Variants in SLC14A2 observed in about 807,000 individuals in gnomAD.
The protein encoded by SLC14A2 is solute carrier family 14 member 2.
SLC14A2 carries 91 observed loss-of-function variants against 104.6 expected under a neutral mutation model. The observed-to-expected ratio is 0.87, with a 90% confidence interval of 0.73 to 1.04. The LOEUF is 1.04. Ranked by LOEUF, SLC14A2 falls within the 50% of genes least tolerant of loss-of-function variation. The pLI is 0.00. For missense variants in SLC14A2, 1,189 were observed against 1,156.0 expected, an observed-to-expected ratio of 1.03 and a Z score of -0.41; for synonymous variants, 476 against 466.4, an observed-to-expected ratio of 1.02 and a Z score of -0.27.
chr18:45,626,806 A>AC, intron 3 of SLC14A2, 152 bp from the exon 4 acceptor site: 1 of 374,230 alleles, frequency 2.7e-6, no homozygotes, highest in South Asian at 2.6e-5. Flanking sequence ...CCTCCCCTCT[A>AC]CCCCCACCCC....
chr18:45,524,540 C>G (rs546553643), intron 2 of SLC14A2, among the ~76,000 whole-genome samples: 2 of 152,194 alleles, frequency 1.3e-5, no homozygotes, highest in Non-Finnish European at 2.9e-5. Context: ...GCCTGATCAC[C>G]TATGGTAGGC....
At chr18:45,642,208 C>G (rs1371033445) in intron 8 of SLC14A2, among the ~76,000 whole-genome samples, 1 of 152,218 alleles carries the variant, frequency 6.6e-6, no homozygotes, top group South Asian at 2.1e-4. Flanking sequence ...GCGTCTGGAA[C>G]AGCTTCTCTT....
At chr18:45,654,400 G>A (rs137867979) in intron 10 of SLC14A2, among the ~76,000 whole-genome samples, 57 of 152,204 alleles carry the variant, frequency 3.7e-4, no homozygotes, top group Non-Finnish European at 7.1e-4. Flanking sequence ...TTCTAGTCCC[G>A]ATGATCTAGA....
At chr18:45,658,774 T>C (rs1387167398) in intron 10 of SLC14A2, among the ~76,000 whole-genome samples, 2 of 152,206 alleles carry the variant, frequency 1.3e-5, no homozygotes, top group Non-Finnish European at 2.9e-5. Flanking sequence ...CAGTGGGCAC[T>C]TCTATGAAAT....
At chr18:45,328,991 G>A (rs932670131) in intron 1 of SLC14A2, among the ~76,000 whole-genome samples, 18 of 152,072 alleles carry the variant, frequency 1.2e-4, no homozygotes, top group South Asian at 2.1e-4. Context: ...TTCCAAAGCC[G>A]ACCAGCAGAA....
chr18:45,380,075 A>T (rs2085817806), intron 1 of SLC14A2, among the ~76,000 whole-genome samples: 1 of 152,190 alleles, frequency 6.6e-6, no homozygotes, highest in African/African-American at 2.4e-5. Flanking sequence ...CATTCTTCTT[A>T]TACCCTAGTA....
rs1291972172 is a variant in SLC14A2 at position 45,683,683 on chromosome 18, T to C, written c.*1164T>C. The C allele has an allele frequency of 1.3e-5, 2 of 152,208 alleles. No individual in the cohort carries two copies. The highest frequency in any genetic ancestry group is 2.9e-5 in the Non-Finnish European group (2 of 68,034). The allele number at this position is 152,208 out of a possible 1,614,324, so 9.4% of individuals were successfully genotyped here. On this transcript the variant is annotated 3_prime_UTR_variant, in exon 20 of 20. Coordinates refer to ENST00000255226, the MANE Select transcript of SLC14A2 (RefSeq NM_007163.4). Reference sequence around the variant, plus strand: ...CATACTGTCATTAAACTGTTTAAGTTTGCAAGTCGGCATCAGGGTTTTCTT... The same window carrying C: ...CATACTGTCATTAAACTGTTTAAGTCTGCAAGTCGGCATCAGGGTTTTCTT...
chr18:45,557,383 A>AGCCAGGCT (rs1336081393), intron 2 of SLC14A2, among the ~76,000 whole-genome samples: 2 of 152,232 alleles, frequency 1.3e-5, no homozygotes, highest in East Asian at 3.9e-4. Flanking sequence ...AACATGCTCA[A>AGCCAGGCT]GCCAGGCTGC....
At chr18:45,346,090 T>G (rs1349127674) in intron 1 of SLC14A2, among the ~76,000 whole-genome samples, 1 of 152,212 alleles carries the variant, frequency 6.6e-6, no homozygotes, top group African/African-American at 2.4e-5. Flanking sequence ...CGCACATGTT[T>G]TCATGATCTG....
intron 1 of SLC14A2, among the ~76,000 whole-genome samples, chr18:45,295,288 T>C (rs1046961620): frequency 2.0e-5 from 3 of 150,474 alleles, no homozygotes; most frequent in Non-Finnish European, 2.9e-5. Flanking sequence ...GTAATTAATA[T>C]ACATTTTTAA....
chr18:45,592,222 AT>A lies in SLC14A2; in HGVS notation c.-34-32401del, dbSNP rs57033345. ...AACCTTTATTTAACTTTTCTGTTTC[AT>A]TTTTTTTAATGTAAAATGAGAAAAT... On this transcript the variant is annotated intron_variant, in intron 2 of 20. Transcript: ENST00000586448. Among the ~76,000 whole-genome samples, 1,272 of 151,924 alleles carry A rather than the reference AT, an allele frequency of 8.4e-3. 23 individuals carry two copies. Among genetic ancestry groups the A allele is most frequent in the African/African-American group, 0.027 (1,120 of 41,408 alleles).
chr18:45,307,847 G>C (rs12960599), intron 1 of SLC14A2, among the ~76,000 whole-genome samples: 61 of 152,350 alleles, frequency 4.0e-4, no homozygotes, highest in Admixed American at 5.9e-4. Flanking sequence ...AATACCTGCA[G>C]CTGAGTAATT....
chr18:45,455,261 A>G (rs993468244), intron 1 of SLC14A2, among the ~76,000 whole-genome samples: 2 of 152,208 alleles, frequency 1.3e-5, no homozygotes, highest in African/African-American at 4.8e-5. Context: ...TCCATCCACA[A>G]TAGACTGGAG....
chr18:45,502,287 G>T (rs909246045), intron 2 of SLC14A2, among the ~76,000 whole-genome samples: 3 of 152,166 alleles, frequency 2.0e-5, no homozygotes, highest in Non-Finnish European at 4.4e-5. Flanking sequence ...ATAGTCTATT[G>T]TTTCACATAT....
At position 45,365,312 on chromosome 18, in the gene SLC14A2, G is replaced by A. The variant is rs2085655697; in HGVS notation, c.-124-117921G>A. 5.9e-5 allele frequency among the ~76,000 whole-genome samples: 9 copies of A among 152,228 alleles called. No individual in the cohort carries two copies. The South Asian group carries it at 1.7e-3, about 28-fold the overall frequency. ...TCTTTGTAATCTTGCCTAGGCAATG[G>A]TCATTATAGGAACTTCTTACTATAT... On this transcript the variant is annotated intron_variant, in intron 1 of 20. Transcript: ENST00000586448.
chr18:45,636,107 G>A (rs574778561), intron 5 of SLC14A2, among the ~76,000 whole-genome samples: 2 of 152,352 alleles, frequency 1.3e-5, no homozygotes, highest in South Asian at 2.1e-4. Flanking sequence ...TGAAATACTT[G>A]TCTCAGCAAG....
chr18:45,428,115 G>A (rs762055788), intron 1 of SLC14A2, among the ~76,000 whole-genome samples: 1 of 152,170 alleles, frequency 6.6e-6, no homozygotes, highest in East Asian at 1.9e-4. Context: ...GAGAGTCCCA[G>A]AGGGAGAGAT....
At chr18:45,577,004 C>G (rs1369107503) in intron 2 of SLC14A2, among the ~76,000 whole-genome samples, 4 of 152,036 alleles carry the variant, frequency 2.6e-5, no homozygotes, top group South Asian at 2.1e-4. Context: ...AGCAGCTGTT[C>G]TTAGTTGTCT....
chr18:45,299,711 C>T (rs1254001427), intron 1 of SLC14A2, among the ~76,000 whole-genome samples: 2 of 152,200 alleles, frequency 1.3e-5, no homozygotes, highest in Non-Finnish European at 1.5e-5. Flanking sequence ...ATCCACCTGC[C>T]TTGGCCTCCC....
Sources: allele counts gnomAD v4.1 joint callset (sites outside exome capture counted in the v4.1 genomes callset), GRCh38; gene constraint gnomAD v4.1.1; transcripts MANE v1.5; gene names NCBI Gene and HGNC (gene_info 2026-07-23, HGNC 2026-07-21).